NFIA: variants seen among roughly 807,000 people sequenced by gnomAD.
NFIA encodes the protein nuclear factor I A, also known as nuclear factor 1 A-type.
NFIA carries 8 observed loss-of-function variants against 62.8 expected under a neutral mutation model. That is an observed-to-expected ratio of 0.13 (90% CI 0.07 to 0.23). NFIA has a LOEUF of 0.23. Among genes scored for constraint, NFIA ranks in the 10% least tolerant of loss-of-function variants. The pLI is 1.00. For synonymous variants in NFIA, 235 were observed against 238.1 expected, an observed-to-expected ratio of 0.99 and a Z score of 0.12; for missense variants, 410 against 642.1, an observed-to-expected ratio of 0.64 and a Z score of 3.91.
intron 3 of NFIA, among the ~76,000 whole-genome samples, chr1:61,309,704 C>T (rs1279407055): frequency 6.6e-6 from 1 of 152,190 alleles, no homozygotes; most frequent in East Asian, 1.9e-4. Context: ...GCCTGACCAA[C>T]ACAGTGAAAC....
chr1:61,173,248 C>T (rs1043327154), intron 2 of NFIA, among the ~76,000 whole-genome samples: 2 of 152,194 alleles, frequency 1.3e-5, no homozygotes, highest in Admixed American at 6.5e-5. Flanking sequence ...AGAGACAGAT[C>T]TGAGAGAGTC....
chr1:61,408,687 A>G (rs1257749924), intron 9 of NFIA, among the ~76,000 whole-genome samples: 4 of 152,214 alleles, frequency 2.6e-5, no homozygotes, highest in Admixed American at 6.5e-5. Flanking sequence ...GGCACAGCAG[A>G]AGAGTGGAAA....
chr1:61,434,558 C>T (rs1667247149), intron 10 of NFIA, among the ~76,000 whole-genome samples: 1 of 152,174 alleles, frequency 6.6e-6, no homozygotes. Context: ...TGGCCACAAA[C>T]TTCACTTCTG....
At chr1:61,333,624 C>A (rs1661426204) in intron 4 of NFIA, among the ~76,000 whole-genome samples, 1 of 152,222 alleles carries the variant, frequency 6.6e-6, no homozygotes, top group South Asian at 2.1e-4. Context: ...TTAATCCTTG[C>A]AATAAGCTTT....
intron 10 of NFIA, among the ~76,000 whole-genome samples, chr1:61,453,758 G>C (rs1207700600): frequency 6.6e-6 from 1 of 152,164 alleles, no homozygotes; most frequent in Non-Finnish European, 1.5e-5. Flanking sequence ...CTGTTAGGTA[G>C]AGGCCTACTA....
chr1:61,199,420 A>G (rs1257778491), intron 2 of NFIA, among the ~76,000 whole-genome samples: 1 of 152,096 alleles, frequency 6.6e-6, no homozygotes, highest in Admixed American at 6.5e-5. Context: ...TTCTCACACC[A>G]CTTCTATTCT....
intron 2 of NFIA, among the ~76,000 whole-genome samples, chr1:61,154,832 G>A (rs1390412757): frequency 2.0e-5 from 3 of 152,222 alleles, no homozygotes; most frequent in Admixed American, 6.5e-5. Context: ...AAATTGAGAC[G>A]TGACCTATGA....
At chr1:61,122,011 G>A (rs1040271831) in intron 2 of NFIA, among the ~76,000 whole-genome samples, 2 of 152,066 alleles carry the variant, frequency 1.3e-5, no homozygotes, top group African/African-American at 2.4e-5. Flanking sequence ...ATCATAGGAT[G>A]TTATAGTTAT....
chr1:61,254,773 T>C (rs950579253), intron 2 of NFIA, among the ~76,000 whole-genome samples: 2 of 152,220 alleles, frequency 1.3e-5, no homozygotes, highest in Non-Finnish European at 2.9e-5. Context: ...TGCATATAGT[T>C]AGTCATGTGG....
chr1:61,359,070 C>T, intron 5 of NFIA, 77 bp from the exon 6 acceptor site: 1 of 1,563,176 alleles, frequency 6.4e-7, no homozygotes, highest in Non-Finnish European at 8.7e-7. Flanking sequence ...CCTTGGCTTT[C>T]TTTCAACCAG....
chr1:61,167,970 G>A (rs1455908999), intron 2 of NFIA, among the ~76,000 whole-genome samples: 1 of 152,154 alleles, frequency 6.6e-6, no homozygotes, highest in East Asian at 1.9e-4. Flanking sequence ...AGATTAGGAA[G>A]ATTTTATGCC....
chr1:61,102,216 T>C (rs955670096), intron 2 of NFIA, among the ~76,000 whole-genome samples: 1 of 152,216 alleles, frequency 6.6e-6, no homozygotes, highest in Non-Finnish European at 1.5e-5. Context: ...TAGGACATCA[T>C]GAAATTCAAG....
At chr1:61,285,853 G>T (rs1349356580) in intron 3 of NFIA, among the ~76,000 whole-genome samples, 1 of 152,170 alleles carries the variant, frequency 6.6e-6, no homozygotes, top group African/African-American at 2.4e-5. Context: ...GGCAAAATAG[G>T]AATAGCTTTT....
chr1:61,287,080 G>A (rs980482683), intron 3 of NFIA, among the ~76,000 whole-genome samples: 1 of 152,108 alleles, frequency 6.6e-6, no homozygotes, highest in African/African-American at 2.4e-5. Context: ...GAAAAGCCAT[G>A]GTATACTCTG....
At chr1:61,233,854 A>G (rs1353333658) in intron 2 of NFIA, among the ~76,000 whole-genome samples, 1 of 152,188 alleles carries the variant, frequency 6.6e-6, no homozygotes, top group Non-Finnish European at 1.5e-5. Flanking sequence ...GTGTTTGGCC[A>G]TGGGTCAGTG....
chr1:61,434,382 G>T (rs544614193), intron 10 of NFIA, among the ~76,000 whole-genome samples: 11 of 152,114 alleles, frequency 7.2e-5, no homozygotes, highest in Non-Finnish European at 1.5e-4. Flanking sequence ...AATCGTCCCA[G>T]CTTCCCCAGC....
chr1:61,165,941 G>C (rs1649537557), intron 2 of NFIA, among the ~76,000 whole-genome samples: 1 of 152,140 alleles, frequency 6.6e-6, no homozygotes, highest in Admixed American at 6.5e-5. Flanking sequence ...AAATAGTTAA[G>C]CTATAGGATA....
chr1:61,110,464 A>AAT (rs1383500679), intron 2 of NFIA, among the ~76,000 whole-genome samples: 2 of 150,896 alleles, frequency 1.3e-5, no homozygotes, highest in Non-Finnish European at 3.0e-5. Flanking sequence ...CATACGAACA[A>AAT]ATATATATAC....
intron 2 of NFIA, among the ~76,000 whole-genome samples, chr1:61,199,480 T>C (rs529392243): frequency 3.9e-5 from 6 of 152,318 alleles, no homozygotes; most frequent in African/African-American, 1.2e-4. Context: ...CCATGGCTTA[T>C]GTAGCATTTC....
Sources: allele counts gnomAD v4.1 joint callset (sites outside exome capture counted in the v4.1 genomes callset), GRCh38; gene constraint gnomAD v4.1.1; transcripts MANE v1.5; gene names NCBI Gene and HGNC (gene_info 2026-07-23, HGNC 2026-07-21).